BEAN1: variants seen among roughly 807,000 people sequenced by gnomAD.
BEAN1 encodes protein BEAN1.
BEAN1 carries 17 observed loss-of-function variants against 17.7 expected under a neutral mutation model. The observed-to-expected ratio is 0.96, with a 90% CI of 0.66 to 1.44. The LOEUF (loss-of-function observed/expected upper bound fraction) is 1.44, where lower values mean the gene tolerates loss of function less well. Among genes scored for constraint, BEAN1 ranks in the 40% most tolerant of loss-of-function variants. BEAN1 has a pLI of 0.00. For missense variants in BEAN1, 359 were observed against 374.1 expected (o/e 0.96, Z 0.33); for synonymous variants, 142 against 151.8 (o/e 0.94, Z 0.47).
Position 66,437,575 on chromosome 16 carries a change from G to A in BEAN1, c.-82-20G>A. On this transcript the variant is annotated intron_variant, in intron 1 of 4. Transcript: ENST00000536005. ...GTGCGCCATGGGCCCCCCAACACCT[G>A]CCTGTTTGTGTCTCCGCAGGTGAGT... The A allele has an allele frequency of 1.4e-6, 2 of 1,381,028 alleles. No homozygotes were observed. The highest frequency in any genetic ancestry group is 2.0e-6 in the Non-Finnish European group (2 of 1,021,196). The allele number at this position is 1,381,028 out of a possible 1,614,324, so 85.5% of individuals were successfully genotyped here.
intron 1 of BEAN1, chr16:66,428,399 C>G (rs1025722830): frequency 6.6e-6 from 1 of 152,228 alleles, no homozygotes; most frequent in African/African-American, 2.4e-5. Context: ...CCGATGAGCC[C>G]CTGCCGAGAG....
At chr16:66,442,437 G>A (rs1330273148) in intron 2 of BEAN1, among the ~76,000 whole-genome samples, 4 of 152,210 alleles carry the variant, frequency 2.6e-5, no homozygotes, top group Admixed American at 1.3e-4. Context: ...GACTAAGTCT[G>A]TAGTAAAGCA....
intron 2 of BEAN1, among the ~76,000 whole-genome samples, chr16:66,465,213 A>C (rs1249385278): frequency 1.3e-5 from 2 of 152,196 alleles, no homozygotes; most frequent in African/African-American, 4.8e-5. Flanking sequence ...TTGGATGTTA[A>C]ACCAATCTTT....
At chr16:66,478,824 G>A (rs1333338173) in intron 4 of BEAN1, among the ~76,000 whole-genome samples, 2 of 152,162 alleles carry the variant, frequency 1.3e-5, no homozygotes, top group East Asian at 3.9e-4. Context: ...TGTCAAGGGT[G>A]TGTGGTGCTT....
intron 2 of BEAN1, among the ~76,000 whole-genome samples, chr16:66,443,862 G>T (rs1223059680): frequency 3.3e-5 from 5 of 152,214 alleles, no homozygotes; most frequent in African/African-American, 1.2e-4. Flanking sequence ...TTTTAGTAGA[G>T]ATGGGGTTTC....
At chr16:66,432,948 G>A (rs1480945881) in intron 1 of BEAN1, among the ~76,000 whole-genome samples, 1 of 152,136 alleles carries the variant, frequency 6.6e-6, no homozygotes, top group African/African-American at 2.4e-5. Context: ...TGCACACACT[G>A]CTTCTGTTTT....
intron 2 of BEAN1, among the ~76,000 whole-genome samples, chr16:66,448,714 T>C (rs981596597): frequency 5.9e-5 from 9 of 152,120 alleles, no homozygotes; most frequent in Non-Finnish European, 1.2e-4. Flanking sequence ...TCCCAGCTAC[T>C]TGGGAGGCAG....
rs183637686 is a variant in BEAN1, at chr16:66,443,733, G to A, written c.25+6032G>A. Among the ~76,000 whole-genome samples, 432 of 152,054 alleles carry A rather than the reference G, an allele frequency of 2.8e-3. 2 individuals are homozygous for A. Among genetic ancestry groups the A allele is most frequent in the Admixed American group, 4.3e-3 (65 of 15,280 alleles). On this transcript the variant is annotated intron_variant, in intron 2 of 4. Coordinates refer to ENST00000536005, the MANE Select transcript of BEAN1 (RefSeq NM_001178020.3). Reference sequence around the variant, plus strand: ...TCTGTCACCCAGGCTGGAGTGCAGCGGCACAATCTCAGCTCACTGCAACCT... The same window carrying A: ...TCTGTCACCCAGGCTGGAGTGCAGCAGCACAATCTCAGCTCACTGCAACCT...
chr16:66,473,751 G>T lies in BEAN1; in HGVS notation c.290-3809G>T, dbSNP rs1451694369. On this transcript the variant is annotated intron_variant, in intron 3 of 4. Transcript: ENST00000536005. This position sits in a 1 kb window ranked among gnomAD's most constrained non-coding sequence, Gnocchi z 4.5. ...AATAATAAATAAAGAGGGAGGGGCA[G>T]TGTACCAGTGAACCCCAACCTTTGG... Among the ~76,000 whole-genome samples, 1 of 152,024 alleles carries T rather than the reference G, an allele frequency of 6.6e-6. No individual in the cohort carries two copies. The highest frequency in any genetic ancestry group is 2.1e-4 in the South Asian group (1 of 4,816).
chr16:66,479,586 G>A (rs1188664865), intron 4 of BEAN1, among the ~76,000 whole-genome samples: 1 of 151,948 alleles, frequency 6.6e-6, no homozygotes, highest in East Asian at 1.9e-4. Context: ...ACACATACAC[G>A]CACACACCTT....
intron 2 of BEAN1, among the ~76,000 whole-genome samples, chr16:66,444,358 G>T (rs1337427018): frequency 6.6e-6 from 1 of 152,192 alleles, no homozygotes; most frequent in Non-Finnish European, 1.5e-5. Flanking sequence ...GAGGGCTGCA[G>T]GCCAGAGGAA....
chr16:66,484,475 C>A, downstream of BEAN1: 1 of 399,984 alleles, frequency 2.5e-6, no homozygotes, highest in Non-Finnish European at 4.9e-6. This position sits in a 1 kb window ranked among gnomAD's most constrained non-coding sequence, Gnocchi z 4.2. Flanking sequence ...AGGTCCTTTG[C>A]ACATTCCTAA....
intron 2 of BEAN1, among the ~76,000 whole-genome samples, chr16:66,447,105 A>G (rs572168671): frequency 3.9e-5 from 6 of 152,168 alleles, no homozygotes; most frequent in Non-Finnish European, 8.8e-5. Context: ...CCCTGTCTCT[A>G]CAAAAAATTT....
Position 66,436,477 on chromosome 16 carries a change from A to T in BEAN1, c.-82-1118A>T, listed in dbSNP as rs1356895371. 1.4e-4 allele frequency among the ~76,000 whole-genome samples: 20 copies of T among 144,712 alleles called. No homozygotes were observed. In the Admixed American group the frequency reaches 1.4e-3, roughly 10 times the overall value. The allele number at this position is 144,712 out of a possible 152,430, so 94.9% of individuals were successfully genotyped here. A position where few individuals can be genotyped will look rare whatever the true frequency, so the allele number is the denominator to read the frequency against. On this transcript the variant is annotated intron_variant, in intron 1 of 4. Coordinates refer to ENST00000536005, the MANE Select transcript of BEAN1 (RefSeq NM_001178020.3). ...TTTTTTTTAGTAGAGACGGGGTTTC[A>T]CCGTGTTAGCCAGGATGGTCTCGAT...
chr16:66,484,888 C>T, downstream of BEAN1: 1 of 454,134 alleles, frequency 2.2e-6, no homozygotes, highest in South Asian at 1.6e-5. This position sits in a 1 kb window ranked among gnomAD's most constrained non-coding sequence, Gnocchi z 4.2. Context: ...GGAGAATGTT[C>T]ATTCCTGCCC....
At chr16:66,490,223 A>G (rs1471705539) in intron 4 of BEAN1, among the ~76,000 whole-genome samples, 4 of 141,740 alleles carry the variant, frequency 2.8e-5, no homozygotes, top group African/African-American at 5.4e-5. Flanking sequence ...TCTACTAAAA[A>G]AAAAAAAAAA....
At chr16:66,464,812 G>A (rs1369715429) in intron 2 of BEAN1, among the ~76,000 whole-genome samples, 2 of 151,996 alleles carry the variant, frequency 1.3e-5, no homozygotes, top group Non-Finnish European at 2.9e-5. Flanking sequence ...AATTCCTTAG[G>A]ATTTTTTATA....
At chr16:66,463,188 T>C (rs1963146642) in intron 2 of BEAN1, among the ~76,000 whole-genome samples, 1 of 152,244 alleles carries the variant, frequency 6.6e-6, no homozygotes, top group African/African-American at 2.4e-5. Context: ...GATCATGTGA[T>C]AATTATGTTT....
chr16:66,477,205 C>T (rs2142456644), intron 3 of BEAN1, among the ~76,000 whole-genome samples: 1 of 152,302 alleles, frequency 6.6e-6, no homozygotes, highest in South Asian at 2.1e-4. Context: ...GAAGCCCTCC[C>T]TGACTTCCAG....
Sources: allele counts gnomAD v4.1 joint callset (sites outside exome capture counted in the v4.1 genomes callset), GRCh38; gene constraint gnomAD v4.1.1; non-coding constraint Gnocchi (gnomAD v3.1); transcripts MANE v1.5; gene names NCBI Gene and HGNC (gene_info 2026-07-23, HGNC 2026-07-21).